The following UBXN7 variants were observed in gnomAD, a reference collection of about 807,000 sequenced individuals.
UBXN7 encodes the protein UBX domain protein 7.
In UBXN7, 9 loss-of-function variants were observed where a neutral mutation model predicts 58.0. The ratio of observed to expected loss-of-function variants is 0.16; its 90% CI spans 0.09 to 0.27. The LOEUF is 0.27. Ranked by LOEUF, UBXN7 falls within the 10% of genes least tolerant of loss-of-function variation. The probability of loss-of-function intolerance (pLI) is 1.00; values close to 1 mark genes in which losing one functional copy is unlikely to be tolerated. For missense variants in UBXN7, 328 were observed against 599.6 expected (o/e 0.55, Z 4.73); for synonymous variants, 208 against 205.0 (o/e 1.01, Z -0.12).
chr3:196,379,484 T>G (rs374216895), intron 5 of UBXN7, among the ~76,000 whole-genome samples: 12 of 152,174 alleles, frequency 7.9e-5, no homozygotes, highest in African/African-American at 2.9e-4. Context: ...TTCTGACATT[T>G]CCTCCCTCCC....
At position 196,356,346 on chromosome 3, in the gene UBXN7, G is replaced by C. The variant is rs766922376; in HGVS notation, c.*339C>G. On this transcript the variant is annotated 3_prime_UTR_variant, in exon 11 of 11. Transcript: ENST00000296328. ...TTGATCCCAAAAAAGTGCCGTGCAA[G>C]AGACCACTTACTGGAACACACAATT... 189 of 177,952 alleles carry C rather than the reference G, an allele frequency of 1.1e-3. 1 individual carries two copies. Among genetic ancestry groups the C allele is most frequent in the Non-Finnish European group, 5.6e-4 (48 of 85,526 alleles). The allele number at this position is 177,952 out of a possible 1,614,324, so 11.0% of individuals were successfully genotyped here. A position where few individuals can be genotyped will look rare whatever the true frequency, so the allele number is the denominator to read the frequency against.
Position 196,358,339 on chromosome 3 carries a change from T to A in UBXN7, c.1309-1493A>T, listed in dbSNP as rs181030770. On this transcript the variant is annotated intron_variant, in intron 10 of 10. Transcript: ENST00000296328. ...AGTCGTCCTTTTCCAGAAGTAGTCA[T>A]TTCAGTTGGGTTTCTATTCCATGCA... is the stretch of plus-strand genomic sequence containing the variant. 8.6e-3 allele frequency among the ~76,000 whole-genome samples: 1,312 copies of A among 152,350 alleles called. 17 individuals carry two copies. The highest frequency in any genetic ancestry group is 0.03 in the African/African-American group (1,228 of 41,564).
At chr3:196,386,691 C>T (rs927031216) in intron 5 of UBXN7, among the ~76,000 whole-genome samples, 2 of 152,030 alleles carry the variant, frequency 1.3e-5, no homozygotes, top group Admixed American at 6.6e-5. Flanking sequence ...AACTACTAAC[C>T]ACTGCTCAAC....
intron 2 of UBXN7, among the ~76,000 whole-genome samples, chr3:196,404,508 C>T (rs969122808): frequency 6.6e-6 from 1 of 151,940 alleles, no homozygotes; most frequent in Non-Finnish European, 1.5e-5. Context: ...GTGATCCGCC[C>T]ACCTCGGCCT....
chr3:196,391,085 T>G (rs1397163788), intron 5 of UBXN7, among the ~76,000 whole-genome samples: 1 of 152,190 alleles, frequency 6.6e-6, no homozygotes, highest in Non-Finnish European at 1.5e-5. Context: ...CAATTAGAGA[T>G]ATTCTTTTCA....
intron 3 of UBXN7, among the ~76,000 whole-genome samples, chr3:196,401,823 GAGAGAAGAGAAGAGA>G (rs56069211): frequency 8.3e-6 from 1 of 120,314 alleles, no homozygotes; most frequent in African/African-American, 3.1e-5. Context: ...GAAAAGAGAA[GAGAGAAGAGAAGAGA>G]AGAGAAGAGA....
intron 2 of UBXN7, among the ~76,000 whole-genome samples, chr3:196,406,945 G>A (rs1355840428): frequency 3.9e-5 from 6 of 152,148 alleles, no homozygotes; most frequent in Admixed American, 1.3e-4. Flanking sequence ...TGCTGCTGCC[G>A]TGAGGCACAC....
chr3:196,391,758 G>T lies in UBXN7; in HGVS notation c.468+55C>A, dbSNP rs1729589963. The T allele has an allele frequency of 1.3e-5, 17 of 1,329,382 alleles. 1 individual carries two copies. In the South Asian group the frequency reaches 1.5e-4, roughly 12 times the overall value. The allele number at this position is 1,329,382 out of a possible 1,614,324, so 82.3% of individuals were successfully genotyped here. On this transcript the variant is annotated intron_variant, in intron 5 of 10. Transcript: ENST00000296328. Reference sequence around the variant, plus strand: ...AAAACAAGTAATTTTTTAAAAAAAGGCATTGAAAATGCAAAAGGATTCATA... The same window carrying T: ...AAAACAAGTAATTTTTTAAAAAAAGTCATTGAAAATGCAAAAGGATTCATA...
rs878869940 is a variant in UBXN7 at position 196,350,178 on chromosome 3, G to A, written c.*6507C>T. ...TCTCATTACAGGAATGCTAAATTAT[G>A]TTTATTAAAGTAGTTCAAATTGGAT... On this transcript the variant is annotated 3_prime_UTR_variant, in exon 11 of 11. Coordinates refer to ENST00000296328, the MANE Select transcript of UBXN7 (RefSeq NM_015562.2). 6 of 152,172 alleles carry A rather than the reference G, an allele frequency of 3.9e-5. No individual in the cohort carries two copies. In the South Asian group the frequency reaches 1.2e-3, roughly 32 times the overall value. The allele number at this position is 152,172 out of a possible 1,614,324, so 9.4% of individuals were successfully genotyped here.
At chr3:196,384,633 AGGTT>A (rs1199031001) in intron 5 of UBXN7, among the ~76,000 whole-genome samples, 2 of 152,200 alleles carry the variant, frequency 1.3e-5, no homozygotes, top group African/African-American at 2.4e-5. Context: ...CTGGGATGCA[AGGTT>A]GGTTCAACAT....
intron 5 of UBXN7, among the ~76,000 whole-genome samples, chr3:196,375,183 C>CCACACACACACACA (rs56188527): frequency 1.4e-5 from 2 of 139,732 alleles, no homozygotes; most frequent in Non-Finnish European, 3.1e-5. Flanking sequence ...GGTGCTCTTA[C>CCACACACACACACA]CACACACACA....
At chr3:196,359,587 A>T (rs1433506006) in intron 10 of UBXN7, among the ~76,000 whole-genome samples, 1 of 152,242 alleles carries the variant, frequency 6.6e-6, no homozygotes, top group Non-Finnish European at 1.5e-5. Flanking sequence ...AAGGAAATTA[A>T]AAGTGCTACT....
At chr3:196,421,278 G>A (rs1375709074) in intron 1 of UBXN7, among the ~76,000 whole-genome samples, 1 of 152,200 alleles carries the variant, frequency 6.6e-6, no homozygotes, top group East Asian at 1.9e-4. Flanking sequence ...GAGCCAAGAT[G>A]CCAGAGTTCC....
At position 196,369,866 on chromosome 3, in the gene UBXN7, C is replaced by T. The variant is rs1275628154; in HGVS notation, c.616-355G>A. Among the ~76,000 whole-genome samples the T allele has an allele frequency of 3.3e-5, 5 of 152,140 alleles. No homozygotes were observed. In the East Asian group the frequency reaches 5.8e-4, roughly 18 times the overall value. ...TAAGATTATGGGCCAGGCATGGTGGCTCACGCCTGTAATCCCAGCACTTTA... is the reference window on the plus strand; with the variant it reads ...TAAGATTATGGGCCAGGCATGGTGGTTCACGCCTGTAATCCCAGCACTTTA... On this transcript the variant is annotated intron_variant, in intron 6 of 10. Transcript: ENST00000296328.
At chr3:196,419,321 T>TAAATAAACAAACAAAC (rs139881636) in intron 1 of UBXN7, among the ~76,000 whole-genome samples, 2 of 150,214 alleles carry the variant, frequency 1.3e-5, no homozygotes, top group South Asian at 2.1e-4. Flanking sequence ...AATAAATAAA[T>TAAATAAACAAACAAAC]AAACAATGTG....
rs1728255448 is a variant in UBXN7 at position 196,353,113 on chromosome 3, C to A, written c.*3572G>T. On this transcript the variant is annotated 3_prime_UTR_variant, in exon 11 of 11. Coordinates refer to ENST00000296328, the MANE Select transcript of UBXN7 (RefSeq NM_015562.2). ...ACTACTTCCTCTATATTTATGGGAA[C>A]AAAACTAAGTGACACTTTACAAAGC... 2 of 152,134 alleles carry A rather than the reference C, an allele frequency of 1.3e-5. No individual in the cohort carries two copies. Among genetic ancestry groups the A allele is most frequent in the Non-Finnish European group, 2.9e-5 (2 of 68,028 alleles). 9.4% of individuals were successfully genotyped at this position (152,134 alleles called of 1,614,324 possible).
chr3:196,405,210 G>A (rs1462961383), intron 2 of UBXN7, among the ~76,000 whole-genome samples: 4 of 151,966 alleles, frequency 2.6e-5, no homozygotes, highest in Non-Finnish European at 5.9e-5. Flanking sequence ...AGTGGCTCAC[G>A]CCTGTAATCC....
intron 1 of UBXN7, among the ~76,000 whole-genome samples, chr3:196,418,177 C>T (rs1184904861): frequency 6.6e-6 from 1 of 151,842 alleles, no homozygotes; most frequent in African/African-American, 2.4e-5. Flanking sequence ...GCAGAGGTTG[C>T]TGTGGGCCGA....
At chr3:196,369,103 C>T (rs936172047) in intron 7 of UBXN7, among the ~76,000 whole-genome samples, 2 of 152,104 alleles carry the variant, frequency 1.3e-5, no homozygotes. Context: ...GGATTACAGG[C>T]ATGAGCCACC....
Sources: allele counts gnomAD v4.1 joint callset (sites outside exome capture counted in the v4.1 genomes callset), GRCh38; gene constraint gnomAD v4.1.1; transcripts MANE v1.5; gene names NCBI Gene and HGNC (gene_info 2026-07-23, HGNC 2026-07-21).